XIAP: variants seen among roughly 807,000 people sequenced by gnomAD.
XIAP encodes the protein X-linked inhibitor of apoptosis.
Under a neutral mutation model 33.1 loss-of-function variants are expected in XIAP, and 3 were observed. That is an observed-to-expected ratio of 0.09 (90% CI 0.04 to 0.23). The LOEUF (loss-of-function observed/expected upper bound fraction) is 0.23, where lower values mean the gene tolerates loss of function less well. Among genes scored for constraint, XIAP ranks in the 10% least tolerant of loss-of-function variants. The pLI, the probability that XIAP is intolerant of heterozygous loss-of-function variation, is 1.00. For missense variants in XIAP, 264 were observed against 363.0 expected, an observed-to-expected ratio of 0.73 and a Z score of 2.22; for synonymous variants, 98 against 121.3, an observed-to-expected ratio of 0.81 and a Z score of 1.26.
Position 123,907,326 on chromosome X carries a change from G to A in XIAP, c.*145G>A. 1.8e-6 allele frequency: 1 copy of A among 557,440 alleles called. No homozygotes were observed. The highest frequency in any genetic ancestry group is 3.6e-5 in the East Asian group (1 of 27,805). The allele number at this position is 557,440 out of a possible 1,213,427, so 45.9% of individuals were successfully genotyped here. A position where few individuals can be genotyped will look rare whatever the true frequency, so the allele number is the denominator to read the frequency against. ...AAATGTACATGGCAGTGTTTTAGTT[G>A]GCAATATAATCTTTGAATTTCTTGA... On this transcript the variant is annotated 3_prime_UTR_variant, in exon 7 of 7. Transcript: ENST00000371199.
intron 5 of XIAP, among the ~76,000 whole-genome samples, chrX:123,896,097 T>C (rs1006232886): frequency 1.8e-5 from 2 of 109,674 alleles, no homozygotes; most frequent in African/African-American, 6.6e-5. Context: ...AGACAGGGTC[T>C]TGCTCAGTCA....
chrX:123,878,324 A>T (rs2053265646), intron 1 of XIAP, among the ~76,000 whole-genome samples: 1 of 111,751 alleles, frequency 8.9e-6, no homozygotes, highest in Admixed American at 9.6e-5. Flanking sequence ...TGCAACTATC[A>T]CCACAATCTA....
At chrX:123,895,732 C>CTTG (rs34459877) in intron 5 of XIAP, among the ~76,000 whole-genome samples, 4 of 107,088 alleles carry the variant, frequency 3.7e-5, no homozygotes, top group Non-Finnish European at 7.7e-5. Context: ...ATTTGTAAAT[C>CTTG]TTTGTAGAAA....
chrX:123,867,049 C>CACCA (rs35471589), intron 1 of XIAP, among the ~76,000 whole-genome samples: 4 of 55,075 alleles, frequency 7.3e-5, no homozygotes, highest in African/African-American at 1.5e-4. Flanking sequence ...CCCCCCCCCC[C>CACCA]TTCAACATTC....
chrX:123,869,040 C>A (rs1005227138), intron 1 of XIAP, among the ~76,000 whole-genome samples: 1 of 110,446 alleles, frequency 9.1e-6, no homozygotes, highest in African/African-American at 3.3e-5. Context: ...GTCACGTTTA[C>A]CTGTACAGAC....
chrX:123,893,670 A>G (rs28382733), intron 5 of XIAP, among the ~76,000 whole-genome samples: 19,124 of 110,661 alleles, frequency 0.17, 1,293 homozygotes, highest in South Asian at 0.4. Context: ...GCGAAACCCC[A>G]TCTCTACTAA....
chrX:123,863,579 G>A (rs927006382), intron 1 of XIAP, among the ~76,000 whole-genome samples: 1 of 111,220 alleles, frequency 9.0e-6, no homozygotes, highest in East Asian at 2.9e-4. Context: ...GTGCGATCTC[G>A]GCTCACCTCA....
intron 1 of XIAP, among the ~76,000 whole-genome samples, chrX:123,865,338 A>G (rs1346205025): frequency 1.8e-5 from 2 of 111,471 alleles, no homozygotes; most frequent in Admixed American, 9.7e-5. Flanking sequence ...TTTGTTTCCA[A>G]TTAGCTGTGG....
chrX:123,884,274 A>G (rs2053331705), intron 1 of XIAP, among the ~76,000 whole-genome samples: 1 of 111,586 alleles, frequency 9.0e-6, no homozygotes, highest in African/African-American at 3.3e-5. Context: ...ACCTGAGGTC[A>G]GGAGTTCAAG....
At chrX:123,899,170 TTTATATATATATG>T (rs2053491520) in intron 5 of XIAP, among the ~76,000 whole-genome samples, 1 of 33,995 alleles carries the variant, frequency 2.9e-5, no homozygotes, top group African/African-American at 1.5e-4. Flanking sequence ...TATATATGAT[TTTATATATATATG>T]ATTTTATATA....
In XIAP at chrX:123,886,190, T is replaced by C; in HGVS notation, c.528T>C (p.Tyr176=). The change falls in exon 2 of 7, where the codon TAT becomes TAC. Residue 176 remains tyrosine (Y), a synonymous_variant. Transcript: ENST00000371199. ...AGTCCTTTCAGAACTGGCCAGACTA[T>C]GCTCACCTAACCCCAAGAGAGTTAG... The part of the protein sequence containing the change: ...RLKSFQNWPD[Y]AHLTPRELAS... 8.3e-7 allele frequency: 1 copy of C among 1,212,121 alleles called. No individual in the cohort carries two copies. Among genetic ancestry groups the C allele is most frequent in the Non-Finnish European group, 1.1e-6 (1 of 895,639 alleles).
intron 1 of XIAP, among the ~76,000 whole-genome samples, chrX:123,864,797 T>A (rs1446638886): frequency 3.7e-5 from 2 of 53,822 alleles, no homozygotes; most frequent in Non-Finnish European, 7.0e-5. Context: ...TGTGTGTGTG[T>A]GTGTGTGTGT....
At chrX:123,903,180 A>ATTTTTTTTTTTTTTTTTTTTTTTTTTTTT (rs56868819) in intron 6 of XIAP, among the ~76,000 whole-genome samples, 2 of 65,292 alleles carry the variant, frequency 3.1e-5, no homozygotes, top group African/African-American at 6.3e-5. Flanking sequence ...TTATTTTATA[A>ATTTTTTTTTTTTTTTTTTTTTTTTTTTTT]TTTTTTTTTT....
intron 1 of XIAP, among the ~76,000 whole-genome samples, chrX:123,868,336 T>C (rs1196437980): frequency 4.5e-5 from 5 of 111,113 alleles, no homozygotes. Flanking sequence ...AAACCCAGGG[T>C]GGCTGGGCTT....
At chrX:123,874,289 A>G (rs752203563) in intron 1 of XIAP, among the ~76,000 whole-genome samples, 2 of 112,246 alleles carry the variant, frequency 1.8e-5, no homozygotes, top group African/African-American at 6.5e-5. Context: ...TATAGAATTT[A>G]GAAAGTTAAG....
chrX:123,862,455 T>C (rs1278037551), intron 1 of XIAP, among the ~76,000 whole-genome samples: 1 of 106,055 alleles, frequency 9.4e-6, no homozygotes, highest in African/African-American at 3.4e-5. Flanking sequence ...CACTGCAACC[T>C]CCGCCTCCCA....
rs1159253924 is a variant in XIAP, at chrX:123,887,110, G to A, written c.877+571G>A. ...AATTTTGTATTTTTAGTAGACACAGGGTCTCTCCCTGTTGGTCAGGCTGGT... is the reference window on the plus strand; with the variant it reads ...AATTTTGTATTTTTAGTAGACACAGAGTCTCTCCCTGTTGGTCAGGCTGGT... On this transcript the variant is annotated intron_variant, in intron 2 of 6. Transcript: ENST00000371199. Among the ~76,000 whole-genome samples the A allele has an allele frequency of 3.6e-5, 4 of 111,972 alleles. No individual in the cohort carries two copies. In the East Asian group the frequency reaches 1.1e-3, roughly 31 times the overall value.
intron 2 of XIAP, among the ~76,000 whole-genome samples, chrX:123,887,308 A>G (rs2053361429): frequency 8.9e-6 from 1 of 111,926 alleles, no homozygotes; most frequent in Non-Finnish European, 1.9e-5. Context: ...TTGGCCTCCC[A>G]AAGTGCTGGG....
intron 6 of XIAP, among the ~76,000 whole-genome samples, chrX:123,904,702 C>T (rs1484607323): frequency 1.8e-5 from 2 of 112,430 alleles, no homozygotes; most frequent in Non-Finnish European, 3.8e-5. Flanking sequence ...CAGCTCACTG[C>T]AACCTCTATC....
Sources: allele counts gnomAD v4.1 joint callset (sites outside exome capture counted in the v4.1 genomes callset), GRCh38; gene constraint gnomAD v4.1.1; transcripts MANE v1.5; gene names NCBI Gene and HGNC (gene_info 2026-07-23, HGNC 2026-07-21).